Variants in HNF1A observed in about 807,000 individuals in gnomAD.
The protein encoded by HNF1A is HNF1 homeobox A.
HNF1A carries 21 observed loss-of-function variants against 62.2 expected under a neutral mutation model. That is an observed-to-expected ratio of 0.34 (90% CI 0.24 to 0.49). The LOEUF (loss-of-function observed/expected upper bound fraction) is 0.49. HNF1A is among the 20% of genes least tolerant of loss of function. HNF1A has a pLI of 0.99. For missense variants in HNF1A, 687 were observed against 832.3 expected (o/e 0.83, Z 2.15); for synonymous variants, 374 against 366.8 (o/e 1.02, Z -0.22).
rs570481189 is a variant in HNF1A, at chr12:120,986,281, G to C, written c.327-2552G>C. On this transcript the variant is annotated intron_variant, in intron 1 of 9. Transcript: ENST00000257555. Reference sequence around the variant, plus strand: ...CCTGGGCACACAGAGCTTCCTCAGCGGGGTTTTTTCAGTGGTTGCATTGAA... The same window carrying C: ...CCTGGGCACACAGAGCTTCCTCAGCCGGGTTTTTTCAGTGGTTGCATTGAA... Among the ~76,000 whole-genome samples, 5 of 152,146 alleles carry C rather than the reference G, an allele frequency of 3.3e-5. No homozygotes were observed. The South Asian group carries it at 8.3e-4, about 25-fold the overall frequency.
At chr12:120,997,698 G>T in intron 7 of HNF1A, 33 bp downstream of exon 7, 1 of 1,587,688 alleles carries the variant, frequency 6.3e-7, no homozygotes, top group Non-Finnish European at 8.6e-7. Context: ...AGCAGGAGAT[G>T]ATGATAGAGG....
intron 9 of HNF1A, among the ~76,000 whole-genome samples, 184 bp downstream of exon 9, chr12:120,999,811 C>T (rs559619498): frequency 1.8e-4 from 27 of 152,216 alleles, no homozygotes; most frequent in African/African-American, 4.6e-4. Flanking sequence ...GAGGCACAGG[C>T]GACCCCAGGA....
At chr12:120,992,734 C>A (rs2393774) in intron 2 of HNF1A, among the ~76,000 whole-genome samples, 16,691 of 152,110 alleles carry the variant, frequency 0.11, 1,209 homozygotes, top group Admixed American at 0.24. Flanking sequence ...AGTTCAAGAC[C>A]AGCCTGGGCA....
At position 120,979,013 on chromosome 12, in the gene HNF1A, C is replaced by T. The variant is rs568123980; in HGVS notation, c.245C>T (p.Thr82Met). The change falls in exon 1 of 10, where the codon ACG becomes ATG. Residue 82 changes from threonine to methionine, a missense_variant. By Grantham distance (81) the Thr-to-Met change is moderately conservative. This residue lies in a region of HNF1A where 159 missense variants were observed against 154.4 expected (regional missense o/e 1.03). Transcript: ENST00000257555. Reference protein sequence around the residue: ...DETDDDGEDFTPPILKELENL... With the variant: ...DETDDDGEDFMPPILKELENL... ...ACGGACGACGATGGGGAAGACTTCA[C>T]GCCACCCATCCTCAAAGAGCTGGAG... 2.5e-5 allele frequency: 40 copies of T among 1,610,012 alleles called. No homozygotes were observed. Among genetic ancestry groups the T allele is most frequent in the East Asian group, 2.5e-4 (11 of 44,768 alleles).
At position 120,993,678 on chromosome 12, in the gene HNF1A, C is replaced by T. The variant is rs769086289; in HGVS notation, c.685C>T (p.Arg229Ter). The T allele has an allele frequency of 3.1e-6, 5 of 1,613,962 alleles. No homozygotes were observed. Among genetic ancestry groups the T allele is most frequent in the Admixed American group, 3.3e-5 (2 of 59,992 alleles). The change falls in exon 3 of 10, where the codon CGA becomes TGA. Residue 229 changes from arginine (R) to a stop codon, truncating the protein, a stop_gained. Coordinates refer to ENST00000257555, the MANE Select transcript of HNF1A (RefSeq NM_000545.8). LOFTEE classifies it high-confidence loss of function. ...GCAGAAGAACCCTAGCAAGGAGGAG[C>T]GAGAGACGCTAGTGGAGGAGTGCAA... is the stretch of plus-strand genomic sequence containing the variant. ...ERQKNPSKEERETLVEECNRA... is the reference protein window; with the variant it reads ...ERQKNPSKEE
At chr12:120,990,468 T>TG (rs2135834885) in intron 2 of HNF1A, among the ~76,000 whole-genome samples, 1 of 135,444 alleles carries the variant, frequency 7.4e-6, no homozygotes, top group South Asian at 2.5e-4. Context: ...TAGCCAGGCA[T>TG]GGTGGTGTGC....
At chr12:120,983,141 T>G (rs1876335525) in intron 1 of HNF1A, among the ~76,000 whole-genome samples, 1 of 152,184 alleles carries the variant, frequency 6.6e-6, no homozygotes, top group Non-Finnish European at 1.5e-5. Context: ...GCTCAAAGCC[T>G]TGGACATCCG....
chr12:120,981,954 C>G (rs1254261646), intron 1 of HNF1A, among the ~76,000 whole-genome samples: 1 of 152,148 alleles, frequency 6.6e-6, no homozygotes, highest in African/African-American at 2.4e-5. Flanking sequence ...TGGTCAGGGC[C>G]CAGCAGCCTG....
chr12:120,996,386 C>T lies in HNF1A; in HGVS notation c.1080C>T (p.His360=), dbSNP rs1877099550. Residue 360 remains histidine (H), a synonymous_variant, in exon 5 of 10, where the codon CAC becomes CAT. Coordinates refer to ENST00000257555, the MANE Select transcript of HNF1A (RefSeq NM_000545.8). This position sits in a 1 kb window ranked among gnomAD's most constrained non-coding sequence, Gnocchi z 4.5. ...QVSPTGLEPS[H]SLLSTEAKLV... The stretch of plus-strand genomic sequence containing the variant: ...CCCCCACGGGCCTGGAGCCCAGCCA[C>T]AGCCTGCTGAGTACAGAAGCCAAGC... 1 of 1,614,196 alleles carries T rather than the reference C, an allele frequency of 6.2e-7. No homozygotes were observed. Among genetic ancestry groups the T allele is most frequent in the Non-Finnish European group, 8.5e-7 (1 of 1,180,016 alleles).
rs2135832786 is a variant in HNF1A, at chr12:120,988,974, G to A, written c.468G>A (p.Thr156=). The A allele has an allele frequency of 2.5e-6, 4 of 1,614,224 alleles. No individual in the cohort carries two copies. Among genetic ancestry groups the A allele is most frequent in the East Asian group, 2.2e-5 (1 of 44,880 alleles). Residue 156 remains threonine, a synonymous_variant, in exon 2 of 10, where the codon ACG becomes ACA. Coordinates refer to ENST00000257555, the MANE Select transcript of HNF1A (RefSeq NM_000545.8). ...QHLNKGTPMK[T]QKRAALYTWY... is the part of the protein sequence containing the mutation. ...TCAACAAGGGCACTCCCATGAAGAC[G>A]CAGAAGCGGGCCGCCCTGTACACCT...
At chr12:120,993,803 G>T in intron 3 of HNF1A, 97 bp downstream of exon 3, 3 of 1,297,752 alleles carry the variant, frequency 2.3e-6, no homozygotes, top group Non-Finnish European at 3.2e-6. Flanking sequence ...AGGCTGTCCA[G>T]TTGCCGAGAA....
At chr12:120,980,045 C>A (rs946359301) in intron 1 of HNF1A, among the ~76,000 whole-genome samples, 1 of 152,114 alleles carries the variant, frequency 6.6e-6, no homozygotes, top group Non-Finnish European at 1.5e-5. Context: ...CACCCTACAG[C>A]GCCTGCTTGA....
chr12:121,001,271 C>T lies in HNF1A; in HGVS notation c.*79C>T. On this transcript the variant is annotated 3_prime_UTR_variant, in exon 10 of 10. Coordinates refer to ENST00000257555, the MANE Select transcript of HNF1A (RefSeq NM_000545.8). ...CAGCAGCCAGCCCTGCCTGGAGGAC[C>T]TGAGCCTGCCGAGCAACCGTGGCCC... The T allele has an allele frequency of 6.4e-7, 1 of 1,554,990 alleles. No individual in the cohort carries two copies. Among genetic ancestry groups the T allele is most frequent in the East Asian group, 2.3e-5 (1 of 43,380 alleles).
In HNF1A at chr12:120,996,345, C is replaced by T. The variant is rs1877096913; in HGVS notation, c.1039C>T (p.Pro347Ser). Reference protein sequence around the residue: ...SGGPLVTVSTPLHQVSPTGLE... With the variant: ...SGGPLVTVSTSLHQVSPTGLE... ...CGGTCCCTTAGTGACAGTGTCTACA[C>T]CCCTCCACCAAGTGTCCCCCACGGG... Residue 347 changes from proline (P) to serine (S), a missense_variant, in exon 5 of 10, where the codon CCC becomes TCC. This residue lies in a region of HNF1A where 408 missense variants were observed against 455.3 expected (regional missense o/e 0.90). Transcript: ENST00000257555. The surrounding 1 kb of genome is among the most constrained non-coding windows in gnomAD (Gnocchi z 4.5). 1.2e-6 allele frequency: 2 copies of T among 1,614,184 alleles called. No individual in the cohort carries two copies. Among genetic ancestry groups the T allele is most frequent in the South Asian group, 2.2e-5 (2 of 91,088 alleles).
rs193922591 is a variant in HNF1A at position 121,001,150 on chromosome 12, C to T, written c.1854C>T (p.Ile618=). The change falls in exon 10 of 10, where the codon ATC becomes ATT. Residue 618 remains isoleucine, a synonymous_variant. Coordinates refer to ENST00000257555, the MANE Select transcript of HNF1A (RefSeq NM_000545.8). The part of the protein sequence containing the change: ...SHLLPSNHSV[I]ETFISTQMAS... ...TGCTGCCATCCAACCACAGCGTCAT[C>T]GAGACCTTCATCTCCACCCAGATGG... 21 of 1,614,110 alleles carry T rather than the reference C, an allele frequency of 1.3e-5. No individual in the cohort carries two copies. Among genetic ancestry groups the T allele is most frequent in the African/African-American group, 8.0e-5 (6 of 75,068 alleles).
chr12:120,999,712 T>A (rs752005968), intron 9 of HNF1A, 85 bp downstream of exon 9: 16 of 1,495,464 alleles, frequency 1.1e-5, no homozygotes, highest in Non-Finnish European at 1.3e-5. Flanking sequence ...TGTCCGTCAC[T>A]GTGGGGCTGT....
rs1169304 is a variant in HNF1A at position 120,999,418 on chromosome 12, T to C, written c.1623+29T>C. 1,305,762 of 1,613,794 alleles carry C rather than the reference T, an allele frequency of 0.81. 531,232 individuals are homozygous for C. Among genetic ancestry groups the C allele is most frequent in the Admixed American group, 0.91 (54,325 of 60,026 alleles). On this transcript the variant is annotated intron_variant, in intron 8 of 9. Transcript: ENST00000257555. Reference sequence around the variant, plus strand: ...AGGTCCAGGCCTGCTGGCCCTCCCTTGGCCTGTGACAGAGCCCCTCACCCC... The same window carrying C: ...AGGTCCAGGCCTGCTGGCCCTCCCTCGGCCTGTGACAGAGCCCCTCACCCC...
At chr12:120,998,397 A>G (rs1392499594) in intron 7 of HNF1A, 1 of 155,986 alleles carries the variant, frequency 6.4e-6, no homozygotes, top group Non-Finnish European at 1.4e-5. Flanking sequence ...TTCTGCAGCC[A>G]AAGATAGGAT....
chr12:120,994,650 A>AC (rs1876999660), intron 4 of HNF1A, among the ~76,000 whole-genome samples: 1 of 149,144 alleles, frequency 6.7e-6, no homozygotes, highest in African/African-American at 2.6e-5. Context: ...CATCCACTCC[A>AC]TCCACTACCT....
Sources: allele counts gnomAD v4.1 joint callset (sites outside exome capture counted in the v4.1 genomes callset), GRCh38; gene constraint gnomAD v4.1.1; regional missense constraint gnomAD v4.1.1; non-coding constraint Gnocchi (gnomAD v3.1); transcripts MANE v1.5; gene names NCBI Gene and HGNC (gene_info 2026-07-23, HGNC 2026-07-21).